AHCYL2: variants seen among roughly 807,000 people sequenced by gnomAD.
AHCYL2 encodes adenosylhomocysteinase like 2.
In AHCYL2, 28 loss-of-function variants were observed where a neutral mutation model predicts 81.4. The ratio of observed to expected loss-of-function variants is 0.34; its 90% CI spans 0.25 to 0.47. The LOEUF is 0.47. AHCYL2 is among the 20% of genes least tolerant of loss of function. AHCYL2 has a pLI of 1.00. For synonymous variants in AHCYL2, 272 were observed against 290.2 expected (o/e 0.94, Z 0.64); for missense variants, 551 against 785.1 (o/e 0.70, Z 3.56).
At chr7:129,325,837 C>T (rs1289791324) in intron 1 of AHCYL2, among the ~76,000 whole-genome samples, 3 of 151,944 alleles carry the variant, frequency 2.0e-5, no homozygotes, top group Non-Finnish European at 4.4e-5. Flanking sequence ...TCCCGAATAG[C>T]TGGGACTACA....
intron 1 of AHCYL2, among the ~76,000 whole-genome samples, chr7:129,233,591 G>A (rs1008860083): frequency 4.6e-5 from 7 of 152,036 alleles, no homozygotes; most frequent in Non-Finnish European, 7.4e-5. Flanking sequence ...GGGTTCAAGC[G>A]ATTCTCCTGC....
At chr7:129,374,073 G>A (rs998884237) in intron 1 of AHCYL2, among the ~76,000 whole-genome samples, 3 of 152,136 alleles carry the variant, frequency 2.0e-5, no homozygotes, top group Admixed American at 6.5e-5. Flanking sequence ...CCGGGATGAT[G>A]TCATTTCTAA....
chr7:129,285,106 A>G (rs1796583018), intron 1 of AHCYL2, among the ~76,000 whole-genome samples: 2 of 152,226 alleles, frequency 1.3e-5, no homozygotes, highest in South Asian at 4.1e-4. Context: ...GTAGGTTTTA[A>G]TATACTAAAG....
intron 1 of AHCYL2, among the ~76,000 whole-genome samples, chr7:129,358,500 A>G (rs948237860): frequency 2.0e-5 from 3 of 152,262 alleles, no homozygotes; most frequent in Admixed American, 6.5e-5. Flanking sequence ...ACAAAAGGAC[A>G]AATAGATTGT....
At chr7:129,235,650 T>C (rs1213288160) in intron 1 of AHCYL2, among the ~76,000 whole-genome samples, 1 of 152,236 alleles carries the variant, frequency 6.6e-6, no homozygotes, top group African/African-American at 2.4e-5. Flanking sequence ...CATGAACTCC[T>C]GGGCTCAAGT....
intron 5 of AHCYL2, among the ~76,000 whole-genome samples, chr7:129,399,837 C>T (rs763056899): frequency 4.0e-5 from 6 of 151,612 alleles, no homozygotes; most frequent in Non-Finnish European, 8.8e-5. Flanking sequence ...AGCAATTCTC[C>T]TGCCTCAGGC....
intron 1 of AHCYL2, among the ~76,000 whole-genome samples, chr7:129,263,870 C>G (rs1046253342): frequency 3.3e-5 from 5 of 152,106 alleles, no homozygotes; most frequent in African/African-American, 1.2e-4. Context: ...ATGTGGGATT[C>G]TTTTAGAGTT....
At position 129,368,125 on chromosome 7, in the gene AHCYL2, A is replaced by G; in HGVS notation, c.364-11513A>G. 3 of 1,035,776 alleles carry G rather than the reference A, an allele frequency of 2.9e-6. No individual in the cohort carries two copies. The highest frequency in any genetic ancestry group is 3.5e-6 in the Non-Finnish European group (3 of 861,886). 64.2% of individuals were successfully genotyped at this position (1,035,776 alleles called of 1,614,324 possible). On this transcript the variant is annotated intron_variant, in intron 1 of 16. Coordinates refer to ENST00000325006, the MANE Select transcript of AHCYL2 (RefSeq NM_015328.4). The surrounding 1 kb of genome is among the most constrained non-coding windows in gnomAD (Gnocchi z 4.4). ...TCACAAGTGCCTCACACACAGGGAA[A>G]GAAGGAAGTCCAACTATTGCTGCAG...
intron 1 of AHCYL2, among the ~76,000 whole-genome samples, chr7:129,246,473 G>C (rs1795061671): frequency 6.6e-6 from 1 of 152,076 alleles, no homozygotes. Context: ...TCTGCCCCAG[G>C]TAACTACTGA....
intron 1 of AHCYL2, among the ~76,000 whole-genome samples, chr7:129,256,535 G>GCCCC (rs1373184612): frequency 1.2e-3 from 64 of 55,530 alleles, no homozygotes; most frequent in Middle Eastern, 9.4e-3. Flanking sequence ...CTTGCTTCCC[G>GCCCC]CCCCCCACCC....
chr7:129,305,241 C>T (rs1169810622), intron 1 of AHCYL2, among the ~76,000 whole-genome samples: 1 of 152,150 alleles, frequency 6.6e-6, no homozygotes, highest in Non-Finnish European at 1.5e-5. Context: ...GCGGGCAGAT[C>T]ACGAGGTCAA....
chr7:129,303,533 G>A (rs1037877377), intron 1 of AHCYL2, among the ~76,000 whole-genome samples: 1 of 151,726 alleles, frequency 6.6e-6, no homozygotes, highest in Non-Finnish European at 1.5e-5. Flanking sequence ...TTTTATTTTG[G>A]TCTTCTCATG....
At chr7:129,252,565 G>C (rs1398977813) in intron 1 of AHCYL2, among the ~76,000 whole-genome samples, 1 of 152,188 alleles carries the variant, frequency 6.6e-6, no homozygotes, top group African/African-American at 2.4e-5. Context: ...ACAGGAGTTT[G>C]AGACCAGCCT....
At chr7:129,237,556 A>AT (rs5887419) in intron 1 of AHCYL2, among the ~76,000 whole-genome samples, 7 of 149,416 alleles carry the variant, frequency 4.7e-5, no homozygotes, top group South Asian at 2.1e-4. Context: ...TATTTTAGCG[A>AT]TTTTTTTTTT....
At chr7:129,412,067 G>T (rs1584900514) in intron 11 of AHCYL2, among the ~76,000 whole-genome samples, 1 of 152,044 alleles carries the variant, frequency 6.6e-6, no homozygotes, top group East Asian at 1.9e-4. Flanking sequence ...AACATTTTCA[G>T]GCTGGGTGTG....
At chr7:129,412,228 G>A (rs1425573572) in intron 11 of AHCYL2, among the ~76,000 whole-genome samples, 2 of 151,674 alleles carry the variant, frequency 1.3e-5, no homozygotes, top group Non-Finnish European at 2.9e-5. Context: ...CCAGATACTC[G>A]AGGAGCTGAA....
intron 4 of AHCYL2, among the ~76,000 whole-genome samples, chr7:129,390,607 C>G (rs776906366): frequency 2.4e-4 from 36 of 152,226 alleles, no homozygotes; most frequent in Non-Finnish European, 4.6e-4. Flanking sequence ...CTTCACCTCT[C>G]TGATTCTCTT....
At chr7:129,244,006 T>C (rs1013563728) in intron 1 of AHCYL2, among the ~76,000 whole-genome samples, 1 of 151,938 alleles carries the variant, frequency 6.6e-6, no homozygotes, top group South Asian at 2.1e-4. Flanking sequence ...TTTGTGCTTT[T>C]TTTTGGTGGG....
At chr7:129,257,840 A>G (rs1795478893) in intron 1 of AHCYL2, among the ~76,000 whole-genome samples, 1 of 152,220 alleles carries the variant, frequency 6.6e-6, no homozygotes, top group South Asian at 2.1e-4. Flanking sequence ...GCTGAGTAAC[A>G]ACAGAAAGAA....
Sources: allele counts gnomAD v4.1 joint callset (sites outside exome capture counted in the v4.1 genomes callset), GRCh38; gene constraint gnomAD v4.1.1; non-coding constraint Gnocchi (gnomAD v3.1); transcripts MANE v1.5; gene names NCBI Gene and HGNC (gene_info 2026-07-23, HGNC 2026-07-21).